The following KCNN2 variants were observed in gnomAD, a reference collection of about 807,000 sequenced individuals.
KCNN2 encodes the protein small conductance calcium-activated potassium channel protein 2.
Under a neutral mutation model 55.5 loss-of-function variants are expected in KCNN2, and 24 were observed. The observed-to-expected ratio is 0.43, with a 90% CI of 0.31 to 0.61. The LOEUF (loss-of-function observed/expected upper bound fraction) is 0.61. Among genes scored for constraint, KCNN2 ranks in the 20% least tolerant of loss-of-function variants. KCNN2 has a pLI of 0.08. For missense variants in KCNN2, 754 were observed against 853.6 expected (o/e 0.88, Z 1.45); for synonymous variants, 431 against 336.1 (o/e 1.28, Z -3.09).
chr5:114,409,160 G>A (rs888714572), intron 3 of KCNN2, among the ~76,000 whole-genome samples: 5 of 152,040 alleles, frequency 3.3e-5, no homozygotes, highest in Non-Finnish European at 7.4e-5. Flanking sequence ...CAACTAAATG[G>A]CTTGTTAAGA....
chr5:114,291,640 G>A (rs1337595833), intron 2 of KCNN2, among the ~76,000 whole-genome samples: 2 of 152,270 alleles, frequency 1.3e-5, no homozygotes, highest in South Asian at 4.1e-4. Context: ...GAATAGTGCT[G>A]CAATAAACAT....
At chr5:114,085,059 T>C (rs1750985190) in intron 1 of KCNN2, among the ~76,000 whole-genome samples, 1 of 150,716 alleles carries the variant, frequency 6.6e-6, no homozygotes, top group African/African-American at 2.4e-5. Flanking sequence ...GAGACATATA[T>C]ATATATATAT....
At chr5:114,248,524 C>CT (rs5870588) in intron 2 of KCNN2, among the ~76,000 whole-genome samples, 121,230 of 151,876 alleles carry the variant, frequency 0.8, 48,691 homozygotes, top group East Asian at 0.9. Flanking sequence ...CTAAATACTT[C>CT]TTTTTTTATA....
chr5:114,335,888 C>G (rs930620387), intron 2 of KCNN2, among the ~76,000 whole-genome samples: 2 of 152,080 alleles, frequency 1.3e-5, no homozygotes, highest in African/African-American at 4.8e-5. Context: ...TCAGAAACTA[C>G]GAGGTCATGT....
intron 2 of KCNN2, among the ~76,000 whole-genome samples, chr5:114,346,911 A>G (rs779548842): frequency 2.4e-4 from 37 of 152,188 alleles, no homozygotes; most frequent in Non-Finnish European, 3.8e-4. Context: ...GGGGAATGCC[A>G]AAAGGACACA....
chr5:114,261,277 A>G (rs139325193), intron 2 of KCNN2, among the ~76,000 whole-genome samples: 64 of 152,308 alleles, frequency 4.2e-4, no homozygotes, highest in Middle Eastern at 3.4e-3. Context: ...ATGTCCTTTC[A>G]TGATGAGTGC....
intron 2 of KCNN2, among the ~76,000 whole-genome samples, chr5:114,383,980 C>T (rs1172574241): frequency 6.6e-6 from 1 of 152,222 alleles, no homozygotes. Context: ...GTACATTATA[C>T]ACATTGTCTC....
At chr5:114,317,809 A>G (rs908720756) in intron 2 of KCNN2, among the ~76,000 whole-genome samples, 5 of 152,270 alleles carry the variant, frequency 3.3e-5, no homozygotes, top group South Asian at 2.1e-4. Context: ...GCTAAATTCT[A>G]CAATACTCAC....
chr5:114,069,089 A>T (rs1338538389), intron 1 of KCNN2, among the ~76,000 whole-genome samples: 1 of 152,152 alleles, frequency 6.6e-6, no homozygotes, highest in East Asian at 1.9e-4. Context: ...TGCTGGGATT[A>T]CAGGCGTGAG....
intron 2 of KCNN2, among the ~76,000 whole-genome samples, chr5:114,396,287 T>C (rs1481794601): frequency 6.7e-6 from 1 of 150,374 alleles, no homozygotes; most frequent in African/African-American, 2.4e-5. Flanking sequence ...AAAGGGCTTT[T>C]GTTTTCTTAA....
intron 2 of KCNN2, among the ~76,000 whole-genome samples, chr5:114,326,438 CAA>C (rs1440520329): frequency 6.6e-6 from 1 of 152,048 alleles, no homozygotes; most frequent in Non-Finnish European, 1.5e-5. Context: ...ATTGGGAAGG[CAA>C]AAGAGTGTGG....
chr5:114,153,080 G>A (rs1752558186), intron 1 of KCNN2, among the ~76,000 whole-genome samples: 1 of 152,174 alleles, frequency 6.6e-6, no homozygotes, highest in African/African-American at 2.4e-5. Flanking sequence ...ACACGTGTTG[G>A]CAGCTGGACA....
chr5:114,327,569 G>A (rs1756736244), intron 2 of KCNN2, among the ~76,000 whole-genome samples: 2 of 152,142 alleles, frequency 1.3e-5, no homozygotes. Context: ...GAAAAAAATT[G>A]AGTAGGACGC....
chr5:114,186,367 G>A (rs1753335483), intron 1 of KCNN2, among the ~76,000 whole-genome samples: 1 of 152,098 alleles, frequency 6.6e-6, no homozygotes, highest in African/African-American at 2.4e-5. Flanking sequence ...AAAAAGCTGG[G>A]AAAAGGTCCC....
chr5:114,375,381 C>A (rs1379490872), intron 2 of KCNN2, among the ~76,000 whole-genome samples: 4 of 151,854 alleles, frequency 2.6e-5, no homozygotes, highest in Non-Finnish European at 5.9e-5. Context: ...TAGGTAGGTA[C>A]CCAAGCAAAG....
intron 2 of KCNN2, among the ~76,000 whole-genome samples, chr5:114,302,145 G>T (rs973439211): frequency 2.6e-5 from 4 of 152,148 alleles, no homozygotes; most frequent in African/African-American, 9.7e-5. Context: ...TCTTAGCTGG[G>T]TTGCTGATCT....
chr5:114,104,653 C>T (rs896179163), intron 1 of KCNN2, among the ~76,000 whole-genome samples: 12 of 151,968 alleles, frequency 7.9e-5, no homozygotes, highest in African/African-American at 2.4e-4. Context: ...AGAAAAAATA[C>T]ATGCAAATCA....
intron 2 of KCNN2, among the ~76,000 whole-genome samples, chr5:114,324,119 CA>C (rs1756671089): frequency 6.6e-6 from 1 of 152,010 alleles, no homozygotes; most frequent in Non-Finnish European, 1.5e-5. Flanking sequence ...TTAATTTGAC[CA>C]TTTTTTTGTC....
chr5:114,389,212 T>C (rs1338000482), intron 2 of KCNN2, among the ~76,000 whole-genome samples: 1 of 152,114 alleles, frequency 6.6e-6, no homozygotes, highest in Admixed American at 6.6e-5. Flanking sequence ...TTCCCCATTG[T>C]ATATGTTCGT....
Sources: allele counts gnomAD v4.1 joint callset (sites outside exome capture counted in the v4.1 genomes callset), GRCh38; gene constraint gnomAD v4.1.1; transcripts MANE v1.5; gene names NCBI Gene and HGNC (gene_info 2026-07-23, HGNC 2026-07-21).